Variants in NEMP2 observed in about 807,000 individuals in gnomAD.
The protein encoded by NEMP2 is nuclear envelope integral membrane protein 2, also known as UPF0571 transmembrane protein.
In NEMP2, 53 loss-of-function variants were observed where a neutral mutation model predicts 54.2. That is an observed-to-expected ratio of 0.98 (90% CI 0.78 to 1.23). The LOEUF is 1.23. Among genes scored for constraint, NEMP2 ranks in the 50% most tolerant of loss-of-function variants. The pLI is 0.00. For missense variants in NEMP2, 455 were observed against 511.3 expected, an observed-to-expected ratio of 0.89 and a Z score of 1.06; for synonymous variants, 197 against 190.3, an observed-to-expected ratio of 1.04 and a Z score of -0.29.
the NEMP2 span, chr2:190,617,213 C>T: frequency 1.3e-5 from 2 of 151,974 alleles, no homozygotes; most frequent in African/African-American, 4.8e-5. This position sits in a 1 kb window ranked among gnomAD's most constrained non-coding sequence, Gnocchi z 5.0. Flanking sequence ...ATTTCTATTC[C>T]TACCCCATAG....
the NEMP2 span, among the ~76,000 whole-genome samples, chr2:190,567,268 T>A: frequency 1.1e-4 from 16 of 150,746 alleles, no homozygotes; most frequent in Admixed American, 8.6e-4. The surrounding 1 kb of genome is among the most constrained non-coding windows in gnomAD (Gnocchi z 4.0). Context: ...ATGAGTAGAT[T>A]AACAATAAGA....
chr2:190,487,459 T>A, the NEMP2 span, among the ~76,000 whole-genome samples: 1 of 152,236 alleles, frequency 6.6e-6, no homozygotes, highest in African/African-American at 2.4e-5. This position sits in a 1 kb window ranked among gnomAD's most constrained non-coding sequence, Gnocchi z 5.5. Context: ...ACCATGATGC[T>A]AATTATAATG....
the NEMP2 span, among the ~76,000 whole-genome samples, chr2:190,424,181 C>T: frequency 0.31 from 46,243 of 150,614 alleles, 7,473 homozygotes; most frequent in African/African-American, 0.4. The surrounding 1 kb of genome is among the most constrained non-coding windows in gnomAD (Gnocchi z 5.9). Context: ...ATCATGGTAT[C>T]GGTGTCAAGT....
At chr2:190,465,217 T>C in the NEMP2 span, among the ~76,000 whole-genome samples, 2 of 152,120 alleles carry the variant, frequency 1.3e-5, no homozygotes, top group Non-Finnish European at 2.9e-5. This position sits in a 1 kb window ranked among gnomAD's most constrained non-coding sequence, Gnocchi z 4.6. Flanking sequence ...TTCCACAGGG[T>C]AGTGTTTTCT....
At chr2:190,579,022 G>A in the NEMP2 span, among the ~76,000 whole-genome samples, 1 of 152,110 alleles carries the variant, frequency 6.6e-6, no homozygotes, top group African/African-American at 2.4e-5. Flanking sequence ...GGACTGATGT[G>A]TTTGCTTATA....
At chr2:190,542,776 T>G in the NEMP2 span, among the ~76,000 whole-genome samples, 2 of 152,244 alleles carry the variant, frequency 1.3e-5, no homozygotes, top group East Asian at 3.8e-4. The surrounding 1 kb of genome is among the most constrained non-coding windows in gnomAD (Gnocchi z 4.6). Flanking sequence ...GATAAATTTC[T>G]GAATTGCTAT....
At chr2:190,429,139 C>T in the NEMP2 span, among the ~76,000 whole-genome samples, 1 of 151,646 alleles carries the variant, frequency 6.6e-6, no homozygotes, top group African/African-American at 2.4e-5. Context: ...CTTATTTTTC[C>T]TATTGGGTTA....
chr2:190,586,706 T>C, the NEMP2 span, among the ~76,000 whole-genome samples: 2 of 152,180 alleles, frequency 1.3e-5, no homozygotes, highest in African/African-American at 4.8e-5. The surrounding 1 kb of genome is among the most constrained non-coding windows in gnomAD (Gnocchi z 4.5). Context: ...CACCATCTCT[T>C]CAATGAAGAA....
At chr2:190,501,888 A>G (rs980845932), downstream of NEMP2, 1 of 152,664 alleles carries the variant, frequency 6.6e-6, no homozygotes, top group African/African-American at 2.4e-5. Flanking sequence ...AATTATAGAA[A>G]TAAAGAAATG....
chr2:190,614,381 CAACT>C, the NEMP2 span, among the ~76,000 whole-genome samples: 237 of 152,014 alleles, frequency 1.6e-3, 1 homozygote, highest in African/African-American at 5.5e-3. The surrounding 1 kb of genome is among the most constrained non-coding windows in gnomAD (Gnocchi z 5.7). Flanking sequence ...ACAATTCAGT[CAACT>C]GAAAAGAAAA....
At chr2:190,558,243 G>T in the NEMP2 span, among the ~76,000 whole-genome samples, 1 of 152,146 alleles carries the variant, frequency 6.6e-6, no homozygotes, top group Admixed American at 6.5e-5. This position sits in a 1 kb window ranked among gnomAD's most constrained non-coding sequence, Gnocchi z 4.4. Context: ...AACACTGCAT[G>T]TTCTCACTCA....
chr2:190,541,870 G>GT, the NEMP2 span, among the ~76,000 whole-genome samples: 75,344 of 149,822 alleles, frequency 0.5, 20,443 homozygotes, highest in Admixed American at 0.62. This position sits in a 1 kb window ranked among gnomAD's most constrained non-coding sequence, Gnocchi z 5.2. Context: ...TTGGATAGCA[G>GT]TTTTTTTTTT....
the NEMP2 span, among the ~76,000 whole-genome samples, chr2:190,586,217 T>A: frequency 4.6e-5 from 7 of 152,330 alleles, no homozygotes; most frequent in South Asian, 2.1e-4. This position sits in a 1 kb window ranked among gnomAD's most constrained non-coding sequence, Gnocchi z 4.5. Flanking sequence ...ATGATTTTTT[T>A]AATAAAGTCT....
the NEMP2 span, among the ~76,000 whole-genome samples, chr2:190,473,207 T>C: frequency 1.3e-5 from 2 of 152,156 alleles, no homozygotes; most frequent in African/African-American, 4.8e-5. Context: ...GCTAACATCA[T>C]AATGACAGGA....
chr2:190,578,414 A>G, the NEMP2 span, among the ~76,000 whole-genome samples: 1 of 152,180 alleles, frequency 6.6e-6, no homozygotes, highest in Non-Finnish European at 1.5e-5. The surrounding 1 kb of genome is among the most constrained non-coding windows in gnomAD (Gnocchi z 4.4). Context: ...TGCTTGTGAC[A>G]GCTCCAGATT....
the NEMP2 span, among the ~76,000 whole-genome samples, chr2:190,571,015 G>C: frequency 2.0e-5 from 3 of 152,162 alleles, no homozygotes; most frequent in Admixed American, 6.5e-5. Context: ...AGGCACTGTG[G>C]ATAGAGGGTA....
the NEMP2 span, among the ~76,000 whole-genome samples, chr2:190,620,948 T>C: frequency 6.6e-6 from 1 of 152,200 alleles, no homozygotes; most frequent in African/African-American, 2.4e-5. The surrounding 1 kb of genome is among the most constrained non-coding windows in gnomAD (Gnocchi z 4.9). Flanking sequence ...AGTATCAATA[T>C]ACTTCTATAT....
chr2:190,463,128 A>G, the NEMP2 span, among the ~76,000 whole-genome samples: 2 of 152,240 alleles, frequency 1.3e-5, no homozygotes, highest in African/African-American at 4.8e-5. The surrounding 1 kb of genome is among the most constrained non-coding windows in gnomAD (Gnocchi z 4.4). Flanking sequence ...AGGGACACAG[A>G]AATCCTGGCA....
At chr2:190,568,854 C>T in the NEMP2 span, among the ~76,000 whole-genome samples, 1 of 151,682 alleles carries the variant, frequency 6.6e-6, no homozygotes, top group Non-Finnish European at 1.5e-5. This position sits in a 1 kb window ranked among gnomAD's most constrained non-coding sequence, Gnocchi z 4.7. Flanking sequence ...ACAAAAAACT[C>T]AATAATTATC....
Sources: gnomAD v4.1 joint callset for allele counts (sites outside exome capture counted in the v4.1 genomes callset) on GRCh38, gnomAD v4.1.1 for gene constraint, Gnocchi (gnomAD v3.1) non-coding constraint, MANE v1.5 for transcripts, NCBI Gene and HGNC (gene_info 2026-07-23, HGNC 2026-07-21) for gene names.